The following KCNH1 variants were observed in gnomAD, a reference collection of about 807,000 sequenced individuals.
KCNH1 encodes the protein potassium voltage-gated channel subfamily H member 1.
In KCNH1, 27 loss-of-function variants were observed where a neutral mutation model predicts 69.2. The ratio of observed to expected loss-of-function variants is 0.39; its 90% CI spans 0.29 to 0.54. KCNH1 has a LOEUF of 0.54. Ranked by LOEUF, KCNH1 falls within the 20% of genes least tolerant of loss-of-function variation. The pLI, the probability that KCNH1 is intolerant of heterozygous loss-of-function variation, is 0.68. For synonymous variants in KCNH1, 456 were observed against 487.7 expected (o/e 0.93, Z 0.86); for missense variants, 798 against 1,261.6 (o/e 0.63, Z 5.57).
intron 4 of KCNH1, among the ~76,000 whole-genome samples, chr1:211,087,899 C>T (rs11119678): frequency 0.011 from 1,687 of 152,160 alleles, 40 homozygotes; most frequent in African/African-American, 0.038. Context: ...GTGCCTGAGG[C>T]TCCGGGTAGA....
intron 10 of KCNH1, among the ~76,000 whole-genome samples, chr1:210,715,312 G>A (rs934105312): frequency 6.6e-6 from 1 of 152,150 alleles, no homozygotes; most frequent in Non-Finnish European, 1.5e-5. Flanking sequence ...GGGACAAGGA[G>A]CCCAGTTCTC....
intron 4 of KCNH1, among the ~76,000 whole-genome samples, chr1:211,085,081 T>C (rs920272646): frequency 6.6e-6 from 1 of 152,160 alleles, no homozygotes; most frequent in African/African-American, 2.4e-5. Flanking sequence ...CTGGAGGAGA[T>C]GGCACTAGAG....
chr1:210,786,877 C>T (rs1281265608), intron 9 of KCNH1, among the ~76,000 whole-genome samples: 9 of 152,108 alleles, frequency 5.9e-5, no homozygotes, highest in Non-Finnish European at 1.0e-4. Flanking sequence ...CATAAAATAC[C>T]TCTTGGATCT....
At chr1:210,886,946 G>C (rs1231543020) in intron 7 of KCNH1, among the ~76,000 whole-genome samples, 2 of 152,146 alleles carry the variant, frequency 1.3e-5, no homozygotes, top group Non-Finnish European at 2.9e-5. Flanking sequence ...TTGACGGAGA[G>C]AATGGAACCA....
At chr1:210,888,704 T>TA (rs1257939979) in intron 7 of KCNH1, among the ~76,000 whole-genome samples, 1 of 151,450 alleles carries the variant, frequency 6.6e-6, no homozygotes, top group Middle Eastern at 3.2e-3. Flanking sequence ...ATAGACACAA[T>TA]AAAAAATGAT....
chr1:210,698,674 A>G (rs1239152494), intron 10 of KCNH1, among the ~76,000 whole-genome samples: 1 of 152,176 alleles, frequency 6.6e-6, no homozygotes, highest in Non-Finnish European at 1.5e-5. Flanking sequence ...TCTCCTGTGT[A>G]CTGGGTTCTG....
intron 7 of KCNH1, among the ~76,000 whole-genome samples, chr1:210,814,348 T>G (rs1275164996): frequency 6.6e-6 from 1 of 152,198 alleles, no homozygotes; most frequent in Non-Finnish European, 1.5e-5. Context: ...CACAGTACCT[T>G]GCACATAATA....
intron 10 of KCNH1, among the ~76,000 whole-genome samples, chr1:210,729,560 G>C (rs1682691826): frequency 6.6e-6 from 1 of 152,110 alleles, no homozygotes; most frequent in Non-Finnish European, 1.5e-5. Context: ...CATTATTATA[G>C]GTAGAATTTT....
At chr1:210,718,492 GTATATATATAAAATATATACATATATGTA>G (rs1682346042) in intron 10 of KCNH1, among the ~76,000 whole-genome samples, 1 of 20,942 alleles carries the variant, frequency 4.8e-5, no homozygotes, top group African/African-American at 2.8e-4. Flanking sequence ...ATACATATAT[GTATATATATAAAATATATACATATATGTA>G]TATATATAAA....
At chr1:210,769,756 G>C (rs914869225) in intron 10 of KCNH1, among the ~76,000 whole-genome samples, 13 of 152,264 alleles carry the variant, frequency 8.5e-5, no homozygotes, top group Admixed American at 7.2e-4. Context: ...AATTCCCTAG[G>C]ACCTGGGGAG....
intron 7 of KCNH1, among the ~76,000 whole-genome samples, chr1:210,832,677 C>T (rs1210542972): frequency 6.6e-6 from 1 of 151,972 alleles, no homozygotes; most frequent in African/African-American, 2.4e-5. Flanking sequence ...TTTCAGAGAT[C>T]ACAAATGACA....
intron 3 of KCNH1, among the ~76,000 whole-genome samples, chr1:211,101,698 A>G (rs963702585): frequency 6.6e-6 from 1 of 152,206 alleles, no homozygotes; most frequent in Non-Finnish European, 1.5e-5. Context: ...TACTCACAAT[A>G]AAACTGAGAA....
chr1:210,789,372 G>A (rs545228804), intron 9 of KCNH1, among the ~76,000 whole-genome samples: 104 of 152,298 alleles, frequency 6.8e-4, no homozygotes, highest in African/African-American at 2.4e-3. Flanking sequence ...ATCTTTGTCA[G>A]ATAAGCCATT....
At chr1:210,694,593 C>T (rs899667707) in intron 10 of KCNH1, among the ~76,000 whole-genome samples, 1 of 152,210 alleles carries the variant, frequency 6.6e-6, no homozygotes, top group Non-Finnish European at 1.5e-5. Context: ...GTCCAAAATT[C>T]CCAGGGAATC....
chr1:211,000,026 G>A, intron 6 of KCNH1, among the ~76,000 whole-genome samples: 1 of 152,118 alleles, frequency 6.6e-6, no homozygotes, highest in Non-Finnish European at 1.5e-5. Flanking sequence ...AATAATAAGA[G>A]CTATCTATGA....
At chr1:210,886,356 C>T (rs1278330920) in intron 7 of KCNH1, among the ~76,000 whole-genome samples, 1 of 152,052 alleles carries the variant, frequency 6.6e-6, no homozygotes, top group African/African-American at 2.4e-5. Flanking sequence ...ACAACACCAA[C>T]AAAAAGGAGT....
chr1:210,837,153 T>C (rs1363449762), intron 7 of KCNH1, among the ~76,000 whole-genome samples: 2 of 152,192 alleles, frequency 1.3e-5, no homozygotes. Flanking sequence ...CACAAGGTGT[T>C]TCTTCTGTCC....
At position 211,085,920 on chromosome 1, in the gene KCNH1, C is replaced by T. The variant is rs898581373; in HGVS notation, c.440-3022G>A. ...CAGGGGAAATCAGACAGTCATTTTCCGCATGATTCATCATCGTCCTTCAAG... is the reference window on the plus strand; with the variant it reads ...CAGGGGAAATCAGACAGTCATTTTCTGCATGATTCATCATCGTCCTTCAAG... On this transcript the variant is annotated intron_variant, in intron 4 of 10. Transcript: ENST00000271751. Among the ~76,000 whole-genome samples, 5 of 152,140 alleles carry T rather than the reference C, an allele frequency of 3.3e-5. No individual in the cohort carries two copies. The East Asian group carries it at 5.8e-4, about 18-fold the overall frequency.
At chr1:210,994,162 T>C (rs1381579190) in intron 6 of KCNH1, among the ~76,000 whole-genome samples, 1 of 152,232 alleles carries the variant, frequency 6.6e-6, no homozygotes, top group Admixed American at 6.5e-5. Flanking sequence ...ATAGTTGGTA[T>C]TAATCATACT....
Sources: allele counts gnomAD v4.1 joint callset (sites outside exome capture counted in the v4.1 genomes callset), GRCh38; gene constraint gnomAD v4.1.1; transcripts MANE v1.5; gene names NCBI Gene and HGNC (gene_info 2026-07-23, HGNC 2026-07-21).